RPTOR: variants seen among roughly 807,000 people sequenced by gnomAD.
The protein encoded by RPTOR is regulatory-associated protein of mTOR.
Under a neutral mutation model 169.9 loss-of-function variants are expected in RPTOR, and 21 were observed. That is an observed-to-expected ratio of 0.12 (90% CI 0.09 to 0.18). The LOEUF is 0.18. Among genes scored for constraint, RPTOR ranks in the 10% least tolerant of loss-of-function variants. The pLI is 1.00. For synonymous variants in RPTOR, 732 were observed against 753.2 expected (o/e 0.97, Z 0.46); for missense variants, 1,133 against 1,855.9 (o/e 0.61, Z 7.16).
chr17:80,871,736 G>A (rs2068054722), intron 13 of RPTOR, among the ~76,000 whole-genome samples: 3 of 152,192 alleles, frequency 2.0e-5, no homozygotes, highest in Admixed American at 2.0e-4. Flanking sequence ...TAGGCTTACT[G>A]TATAAGGCTT....
At position 80,877,233 on chromosome 17, in the gene RPTOR, C is replaced by A. The variant is rs546646093; in HGVS notation, c.1510-3182C>A. Among the ~76,000 whole-genome samples, 9 of 152,352 alleles carry A rather than the reference C, an allele frequency of 5.9e-5. No individual in the cohort carries two copies. The East Asian group carries it at 1.3e-3, about 23-fold the overall frequency. On this transcript the variant is annotated intron_variant, in intron 13 of 33. Coordinates refer to ENST00000306801, the MANE Select transcript of RPTOR (RefSeq NM_020761.3). ...GTGAGCAGCAGCCGAGAGAGTCCAC[C>A]CCAGTCCCCCTAGCCAGCGAAGTGG... is the stretch of plus-strand genomic sequence containing the variant.
rs141293671 is a variant in RPTOR at position 80,742,418 on chromosome 17, C to G, written c.655-11592C>G. Reference sequence around the variant, plus strand: ...CAGGTTTGGAGGAAGGATGCAGACGCACAGCACAATCAAGTTTAGGAGGAG... The same window carrying G: ...CAGGTTTGGAGGAAGGATGCAGACGGACAGCACAATCAAGTTTAGGAGGAG... On this transcript the variant is annotated intron_variant, in intron 5 of 33. Coordinates refer to ENST00000306801, the MANE Select transcript of RPTOR (RefSeq NM_020761.3). Among the ~76,000 whole-genome samples the G allele has an allele frequency of 9.4e-4, 143 of 151,846 alleles. 2 individuals carry two copies. The East Asian group carries it at 0.023, about 25-fold the overall frequency.
intron 6 of RPTOR, among the ~76,000 whole-genome samples, chr17:80,790,261 G>C (rs2143490117): frequency 6.6e-6 from 1 of 152,332 alleles, no homozygotes; most frequent in Non-Finnish European, 1.5e-5. Flanking sequence ...TATTTTCTCA[G>C]CTCTTTGAAC....
chr17:80,604,235 T>G (rs2065212064), intron 1 of RPTOR, among the ~76,000 whole-genome samples: 1 of 152,248 alleles, frequency 6.6e-6, no homozygotes, highest in African/African-American at 2.4e-5. Flanking sequence ...AGCAGGTATG[T>G]TGCAAGAAAA....
At chr17:80,900,309 G>T (rs2068459323) in intron 20 of RPTOR, among the ~76,000 whole-genome samples, 1 of 151,880 alleles carries the variant, frequency 6.6e-6, no homozygotes, top group African/African-American at 2.4e-5. Context: ...CCCTCCTGGG[G>T]CCGTGTGCTC....
At chr17:80,682,343 C>A (rs949961804) in intron 3 of RPTOR, among the ~76,000 whole-genome samples, 2 of 152,110 alleles carry the variant, frequency 1.3e-5, no homozygotes, top group Non-Finnish European at 2.9e-5. Flanking sequence ...TGGACTCAAG[C>A]CATTTGCCTG....
Position 80,649,068 on chromosome 17 carries a change from T to A in RPTOR, c.348+5258T>A, listed in dbSNP as rs548751315. On this transcript the variant is annotated intron_variant, in intron 3 of 33. Transcript: ENST00000306801. ...TATGTCTTTATCAGCAGCATGAAAA[T>A]GGGCTAATACAGATGCAGTCAAGAC... Among the ~76,000 whole-genome samples, 308 of 152,330 alleles carry A rather than the reference T, an allele frequency of 2.0e-3. 2 individuals carry two copies. The highest frequency in any genetic ancestry group is 3.3e-3 in the Non-Finnish European group (226 of 68,032).
intron 1 of RPTOR, among the ~76,000 whole-genome samples, chr17:80,617,208 T>C (rs1450531843): frequency 6.6e-6 from 1 of 152,230 alleles, no homozygotes; most frequent in East Asian, 1.9e-4. Flanking sequence ...CATGACATCT[T>C]GTGTTTTCAT....
At chr17:80,765,732 G>T (rs762792299) in intron 6 of RPTOR, among the ~76,000 whole-genome samples, 4 of 152,088 alleles carry the variant, frequency 2.6e-5, no homozygotes, top group Non-Finnish European at 5.9e-5. Context: ...CTCCGTCCTT[G>T]TCCTGTTCTT....
intron 24 of RPTOR, among the ~76,000 whole-genome samples, chr17:80,927,064 A>T (rs1281232347): frequency 6.6e-6 from 1 of 152,188 alleles, no homozygotes; most frequent in Admixed American, 6.5e-5. Flanking sequence ...CATCACTAGG[A>T]GGCTTCTGGT....
chr17:80,564,127 A>G (rs1468967734), intron 1 of RPTOR, among the ~76,000 whole-genome samples: 1 of 149,226 alleles, frequency 6.7e-6, no homozygotes, highest in Admixed American at 6.7e-5. Flanking sequence ...CAGTGGTGTG[A>G]TCTGGGCTCA....
chr17:80,637,547 C>T (rs929501990), intron 2 of RPTOR, among the ~76,000 whole-genome samples: 10 of 152,126 alleles, frequency 6.6e-5, no homozygotes, highest in Non-Finnish European at 2.9e-5. Context: ...TTTTATGGCC[C>T]GACATTAAAT....
At chr17:80,888,499 G>A (rs756991177) in intron 17 of RPTOR, among the ~76,000 whole-genome samples, 64 of 152,352 alleles carry the variant, frequency 4.2e-4, no homozygotes, top group Middle Eastern at 3.4e-3. Flanking sequence ...TTGTTGGAGC[G>A]GAGTGGGTGG....
intron 1 of RPTOR, among the ~76,000 whole-genome samples, chr17:80,577,140 TCCAGCCTCATCCTC>T (rs2064971276): frequency 1.3e-5 from 2 of 152,050 alleles, no homozygotes; most frequent in African/African-American, 4.8e-5. Context: ...CAAATGATTC[TCCAGCCTCATCCTC>T]CCAAGTAGCT....
intron 24 of RPTOR, among the ~76,000 whole-genome samples, chr17:80,928,569 C>G (rs1192881408): frequency 6.6e-6 from 1 of 152,218 alleles, no homozygotes; most frequent in Non-Finnish European, 1.5e-5. Context: ...GTAAGGACAG[C>G]GTCTGCTAAC....
chr17:80,735,453 A>G (rs546156023), intron 5 of RPTOR, among the ~76,000 whole-genome samples: 4 of 152,358 alleles, frequency 2.6e-5, no homozygotes, highest in Non-Finnish European at 5.9e-5. Context: ...AACAACTTTT[A>G]TCTGGATACT....
intron 9 of RPTOR, among the ~76,000 whole-genome samples, chr17:80,835,603 C>T (rs2333989): frequency 7.9e-5 from 12 of 152,048 alleles, no homozygotes; most frequent in Non-Finnish European, 1.2e-4. Context: ...AGGGCCACCA[C>T]GCTGCCACAG....
At chr17:80,919,725 G>C (rs1374310525) in intron 21 of RPTOR, among the ~76,000 whole-genome samples, 3 of 152,188 alleles carry the variant, frequency 2.0e-5, no homozygotes, top group African/African-American at 7.2e-5. Context: ...GAGAGTGTCT[G>C]TGCTGAGCAT....
chr17:80,838,048 TG>T (rs2067584473), intron 10 of RPTOR, 51 bp downstream of exon 10: 2 of 1,495,572 alleles, frequency 1.3e-6, no homozygotes, highest in Non-Finnish European at 1.8e-6. Flanking sequence ...GCCACTTCTC[TG>T]GGCACCTGGA....
Sources: allele counts gnomAD v4.1 joint callset (sites outside exome capture counted in the v4.1 genomes callset), GRCh38; gene constraint gnomAD v4.1.1; transcripts MANE v1.5; gene names NCBI Gene and HGNC (gene_info 2026-07-23, HGNC 2026-07-21).